Variants in ENY2 observed in about 807,000 individuals in gnomAD.
ENY2 encodes the protein ENY2 transcription and export complex 2 subunit.
A neutral mutation model predicts 15.9 loss-of-function variants in ENY2; 4 were observed. That is an observed-to-expected ratio of 0.25 (90% CI 0.12 to 0.57). The LOEUF is 0.57. Ranked by LOEUF, ENY2 falls within the 20% of genes least tolerant of loss-of-function variation. The pLI, the probability that ENY2 is intolerant of heterozygous loss-of-function variation, is 0.91. For synonymous variants in ENY2, 48 were observed against 38.0 expected (o/e 1.26, Z -0.97); for missense variants, 54 against 117.2 (o/e 0.46, Z 2.49).
intron 4 of ENY2, chr8:109,342,564 C>T (rs1365776751): frequency 3.6e-5 from 19 of 528,014 alleles, no homozygotes; most frequent in East Asian, 3.0e-4. Flanking sequence ...GGATGGAGTG[C>T]GGTGGCATGA....
chr8:109,343,961 C>T lies in ENY2; in HGVS notation c.*480C>T, dbSNP rs557684759. ...GTCTTACTCATCTTTATGTGCCTTC[C>T]TTATGCTTCAAAGAATTTACCATCT... On this transcript the variant is annotated 3_prime_UTR_variant, in exon 5 of 5. Coordinates refer to ENST00000521688, the MANE Select transcript of ENY2 (RefSeq NM_020189.6). 2.6e-5 allele frequency: 4 copies of T among 152,402 alleles called. No individual in the cohort carries two copies. The highest frequency in any genetic ancestry group is 1.3e-4 in the Admixed American group (2 of 15,308). 9.4% of individuals were successfully genotyped at this position (152,402 alleles called of 1,614,324 possible).
intron 4 of ENY2, among the ~76,000 whole-genome samples, chr8:109,342,457 T>C (rs1816140413): frequency 6.7e-6 from 1 of 150,128 alleles, no homozygotes; most frequent in African/African-American, 2.4e-5. Flanking sequence ...TGTATGTTTA[T>C]ATAGTTTATG....
chr8:109,344,768 C>T lies in ENY2; in HGVS notation c.*1287C>T, dbSNP rs536576458. ...TGAATATAGCAAGGCTGTAAATTAT[C>T]CACTACGTGCCCTCGTAATTGTCTT... On this transcript the variant is annotated 3_prime_UTR_variant, in exon 5 of 5. Transcript: ENST00000521688. 4 of 152,274 alleles carry T rather than the reference C, an allele frequency of 2.6e-5. No individual in the cohort carries two copies. Among genetic ancestry groups the T allele is most frequent in the East Asian group, 3.9e-4 (2 of 5,174 alleles). The allele number at this position is 152,274 out of a possible 1,614,324, so 9.4% of individuals were successfully genotyped here.
chr8:109,343,364 T>G (rs1563693519), intron 4 of ENY2, 41 bp from the exon 5 acceptor site: 1 of 1,492,540 alleles, frequency 6.7e-7, no homozygotes, highest in African/African-American at 1.4e-5. Flanking sequence ...ATGTATTAAT[T>G]GGTACCTTCT....
At chr8:109,342,484 T>C (rs1005925283) in intron 4 of ENY2, among the ~76,000 whole-genome samples, 13 of 148,650 alleles carry the variant, frequency 8.7e-5, no homozygotes, top group African/African-American at 3.0e-4. Context: ...TATAAATGTA[T>C]ATTTTTATAT....
At chr8:109,339,206 A>T in intron 2 of ENY2, 114 bp from the exon 3 acceptor site, 1 of 866,226 alleles carries the variant, frequency 1.2e-6, no homozygotes, top group Non-Finnish European at 1.8e-6. Flanking sequence ...CCACAGTTAA[A>T]GTTTTGTAAC....
intron 3 of ENY2, 67 bp downstream of exon 3, chr8:109,339,457 T>C: frequency 7.4e-7 from 1 of 1,357,586 alleles, no homozygotes; most frequent in South Asian, 1.2e-5. Context: ...TGGGGGTTGC[T>C]TATTTTAAGG....
chr8:109,340,334 G>C, intron 3 of ENY2, 155 bp from the exon 4 acceptor site: 2 of 1,002,220 alleles, frequency 2.0e-6, no homozygotes, highest in Non-Finnish European at 2.9e-6. Flanking sequence ...AAGAATACTT[G>C]ATGTGTTTGT....
chr8:109,335,949 A>G, intron 1 of ENY2, 179 bp from the exon 2 acceptor site: 2 of 509,146 alleles, frequency 3.9e-6, no homozygotes, highest in African/African-American at 1.9e-5. Context: ...CCCACACTGC[A>G]TTAGCCCAGT....
intron 2 of ENY2, 86 bp from the exon 3 acceptor site, chr8:109,339,234 T>C (rs1339353475): frequency 1.6e-6 from 2 of 1,275,604 alleles, no homozygotes; most frequent in Admixed American, 3.7e-5. Flanking sequence ...CAGGGAATTT[T>C]TAGTTGAACA....
At chr8:109,338,524 T>G (rs1043474636) in intron 2 of ENY2, 9 of 152,192 alleles carry the variant, frequency 5.9e-5, no homozygotes, top group Admixed American at 5.2e-4. Flanking sequence ...ACATAGTGGA[T>G]GTCTAGGGAT....
chr8:109,345,225 A>G lies in ENY2; in HGVS notation c.*1744A>G, dbSNP rs1274898366. 1 of 152,124 alleles carries G rather than the reference A, an allele frequency of 6.6e-6. No individual in the cohort carries two copies. Among genetic ancestry groups the G allele is most frequent in the East Asian group, 1.9e-4 (1 of 5,192 alleles). 9.4% of individuals were successfully genotyped at this position (152,124 alleles called of 1,614,324 possible). ...TCCTCTTCAACACAGTAGTTCTTGAAATTTTGCAGGCCTCTCCTGGAAAGG... is the reference window on the plus strand; with the variant it reads ...TCCTCTTCAACACAGTAGTTCTTGAGATTTTGCAGGCCTCTCCTGGAAAGG... On this transcript the variant is annotated 3_prime_UTR_variant, in exon 5 of 5. Transcript: ENST00000521688.
intron 3 of ENY2, chr8:109,339,641 C>G (rs1816072026): frequency 7.5e-6 from 3 of 399,474 alleles, no homozygotes; most frequent in Non-Finnish European, 8.9e-6. Flanking sequence ...TCATGTCTTT[C>G]AGCAACTTTA....
Position 109,342,182 on chromosome 8 carries a change from T to A in ENY2, c.230-1223T>A, listed in dbSNP as rs576028690. ...CCCCCCCCTTTTTTTTTTTTTGCAT[T>A]TATGGTTTAATATTCTGAATAGATA... On this transcript the variant is annotated intron_variant, in intron 4 of 4. Coordinates refer to ENST00000521688, the MANE Select transcript of ENY2 (RefSeq NM_020189.6). 2.6e-3 allele frequency among the ~76,000 whole-genome samples: 391 copies of A among 150,656 alleles called. 2 individuals carry two copies. Among genetic ancestry groups the A allele is most frequent in the African/African-American group, 9.0e-3 (373 of 41,254 alleles).
rs747135369 is a variant in ENY2, at chr8:109,340,561, G to C, written c.227G>C (p.Arg76Thr). The part of the protein sequence containing the change: ...DLVAEITPKG[R>T]ALVPDSVKKE... ...GTGGCTGAAATCACTCCAAAAGGCA[G>C]AGGTAAGGAATACAGAGTTTGTTAA... The change falls in exon 4 of 5, where the codon AGA becomes ACA. Residue 76 changes from arginine (R) to threonine (T), a missense_variant and splice_region_variant. Arg to Thr is a moderately conservative substitution (Grantham distance 71). Coordinates refer to ENST00000521688, the MANE Select transcript of ENY2 (RefSeq NM_020189.6). 6.2e-7 allele frequency: 1 copy of C among 1,613,404 alleles called. No individual in the cohort carries two copies.
chr8:109,340,369 C>T (rs1014131480), intron 3 of ENY2, 120 bp from the exon 4 acceptor site: 52 of 1,427,434 alleles, frequency 3.6e-5, no homozygotes, highest in Non-Finnish European at 4.8e-5. Context: ...TTTTCAGTGT[C>T]CTTTTTTTAA....
intron 4 of ENY2, chr8:109,342,556 A>G: frequency 4.3e-6 from 2 of 463,044 alleles, no homozygotes; most frequent in Non-Finnish European, 7.6e-6. Flanking sequence ...GTCACCGAGG[A>G]TGGAGTGCGG....
intron 3 of ENY2, 30 bp downstream of exon 3, chr8:109,339,420 AT>A (rs751669572): frequency 6.3e-7 from 1 of 1,596,388 alleles, no homozygotes; most frequent in South Asian, 1.1e-5. Flanking sequence ...AGATAAACTA[AT>A]CCCATTTTTC....
At chr8:109,342,761 T>C (rs971712136) in intron 4 of ENY2, 12 of 696,616 alleles carry the variant, frequency 1.7e-5, no homozygotes, top group Non-Finnish European at 2.6e-5. Context: ...GCCTCAACCT[T>C]CCAGACTGCT....
Sources: allele counts gnomAD v4.1 joint callset (sites outside exome capture counted in the v4.1 genomes callset), GRCh38; gene constraint gnomAD v4.1.1; transcripts MANE v1.5; gene names NCBI Gene and HGNC (gene_info 2026-07-23, HGNC 2026-07-21).